The following TSPAN14 variants were observed in gnomAD, a reference collection of about 807,000 sequenced individuals.
TSPAN14 encodes the protein tetraspanin-14.
TSPAN14 carries 16 observed loss-of-function variants against 36.6 expected under a neutral mutation model. That is an observed-to-expected ratio of 0.44 (90% confidence interval 0.30 to 0.66). The LOEUF is 0.66. Among genes scored for constraint, TSPAN14 ranks in the 30% least tolerant of loss-of-function variants. The probability of loss-of-function intolerance (pLI) is 0.12; values close to 1 mark genes in which losing one functional copy is unlikely to be tolerated. For synonymous variants in TSPAN14, 139 were observed against 143.8 expected (o/e 0.97, Z 0.24); for missense variants, 231 against 355.1 (o/e 0.65, Z 2.81).
At chr10:80,506,423 G>A (rs1044858229) in intron 3 of TSPAN14, among the ~76,000 whole-genome samples, 1 of 152,214 alleles carries the variant, frequency 6.6e-6, no homozygotes, top group Non-Finnish European at 1.5e-5. Flanking sequence ...AAAGAACAAT[G>A]AAGGAAGCAG....
At chr10:80,454,736 A>C (rs1458016702) in intron 1 of TSPAN14, among the ~76,000 whole-genome samples, 1 of 152,108 alleles carries the variant, frequency 6.6e-6, no homozygotes, top group African/African-American at 2.4e-5. Context: ...GGGAGCCTGG[A>C]CGGCCGCTGC....
At chr10:80,463,402 G>T (rs4933397) in intron 1 of TSPAN14, among the ~76,000 whole-genome samples, 51,930 of 152,044 alleles carry the variant, frequency 0.34, 10,369 homozygotes, top group East Asian at 0.85. Flanking sequence ...CTTCAGTTCT[G>T]CTCCCCTGAG....
At chr10:80,499,261 T>C (rs1353340881) in intron 2 of TSPAN14, among the ~76,000 whole-genome samples, 2 of 152,140 alleles carry the variant, frequency 1.3e-5, no homozygotes, top group Non-Finnish European at 2.9e-5. Context: ...CTTGCTCGTG[T>C]GGTAAGTGGA....
intron 1 of TSPAN14, among the ~76,000 whole-genome samples, chr10:80,459,150 C>T (rs1248147132): frequency 2.0e-5 from 3 of 151,116 alleles, no homozygotes; most frequent in Non-Finnish European, 3.0e-5. Context: ...CCATCTCTGG[C>T]GGCACTCAGC....
chr10:80,489,604 C>T (rs1034064433), intron 2 of TSPAN14, among the ~76,000 whole-genome samples: 1 of 152,242 alleles, frequency 6.6e-6, no homozygotes, highest in African/African-American at 2.4e-5. Context: ...CCCCCTGTTC[C>T]GATCCTGGGA....
intron 1 of TSPAN14, chr10:80,485,654 C>G (rs1049097939): frequency 2.0e-6 from 2 of 985,276 alleles, no homozygotes; most frequent in Non-Finnish European, 2.4e-6. Flanking sequence ...AGGGTCAGGA[C>G]CTGCTTTCCA....
chr10:80,507,486 C>A, intron 4 of TSPAN14, 112 bp downstream of exon 4: 1 of 1,452,020 alleles, frequency 6.9e-7, no homozygotes, highest in Non-Finnish European at 9.4e-7. Flanking sequence ...GGAGCCTCCC[C>A]TAGGCCCCTG....
intron 1 of TSPAN14, among the ~76,000 whole-genome samples, chr10:80,475,970 T>C (rs892861902): frequency 2.6e-5 from 4 of 152,206 alleles, no homozygotes; most frequent in Non-Finnish European, 4.4e-5. Context: ...CCAAAATCCA[T>C]AGATGCTCAA....
intron 1 of TSPAN14, among the ~76,000 whole-genome samples, chr10:80,460,528 T>G (rs1845917445): frequency 6.6e-6 from 1 of 152,214 alleles, no homozygotes. Context: ...CTGTCCATTC[T>G]TCTTGCACTG....
chr10:80,506,700 G>A (rs1217015828), intron 3 of TSPAN14, among the ~76,000 whole-genome samples: 1 of 152,220 alleles, frequency 6.6e-6, no homozygotes, highest in Non-Finnish European at 1.5e-5. Flanking sequence ...CGATACCTGT[G>A]GCCAGACAGT....
intron 1 of TSPAN14, among the ~76,000 whole-genome samples, chr10:80,479,650 A>G (rs1017654906): frequency 6.6e-6 from 1 of 152,134 alleles, no homozygotes; most frequent in East Asian, 1.9e-4. Flanking sequence ...CCATTGGTCT[A>G]TATCTCTGTT....
At chr10:80,488,258 G>C (rs764378241) in intron 1 of TSPAN14, among the ~76,000 whole-genome samples, 1 of 152,206 alleles carries the variant, frequency 6.6e-6, no homozygotes, top group African/African-American at 2.4e-5. Flanking sequence ...GCAGGGGACC[G>C]TGGAGGACTT....
intron 1 of TSPAN14, among the ~76,000 whole-genome samples, chr10:80,456,742 C>T (rs995486735): frequency 6.6e-6 from 1 of 152,228 alleles, no homozygotes; most frequent in Non-Finnish European, 1.5e-5. Context: ...AGAAGTTTGA[C>T]TTGTAATAAC....
At chr10:80,462,081 T>C (rs1846002739) in intron 1 of TSPAN14, among the ~76,000 whole-genome samples, 1 of 151,502 alleles carries the variant, frequency 6.6e-6, no homozygotes, top group South Asian at 2.1e-4. Context: ...ACCCAGCTAA[T>C]TTAAAGAATT....
intron 1 of TSPAN14, among the ~76,000 whole-genome samples, chr10:80,485,866 C>T (rs1847564203): frequency 6.6e-6 from 1 of 152,238 alleles, no homozygotes; most frequent in South Asian, 2.1e-4. Flanking sequence ...AGCCCCACCC[C>T]TAGACCTCAT....
rs903873924 is a variant in TSPAN14 at position 80,465,195 on chromosome 10, C to T, written c.-18+10824C>T. Among the ~76,000 whole-genome samples, 3 of 152,120 alleles carry T rather than the reference C, an allele frequency of 2.0e-5. No homozygotes were observed. The East Asian group carries it at 5.8e-4, about 29-fold the overall frequency. On this transcript the variant is annotated intron_variant, in intron 1 of 8. Transcript: ENST00000429989. The stretch of plus-strand genomic sequence containing the variant: ...TGAGTTCTGCCGAGTCTTCCCGGCC[C>T]AGCTGTGCCCTTGGGTGGGGGCCAG...
At chr10:80,484,280 T>A (rs1249799335) in intron 1 of TSPAN14, among the ~76,000 whole-genome samples, 1 of 152,086 alleles carries the variant, frequency 6.6e-6, no homozygotes, top group Non-Finnish European at 1.5e-5. Flanking sequence ...CTGGGTTGTC[T>A]TTAAGTTTTA....
chr10:80,471,138 A>C (rs113006731), intron 1 of TSPAN14, among the ~76,000 whole-genome samples: 2 of 151,502 alleles, frequency 1.3e-5, no homozygotes, highest in African/African-American at 4.8e-5. Context: ...TCATGTTCTG[A>C]GTTCCCTGAG....
At chr10:80,501,181 A>G (rs778028774) in intron 2 of TSPAN14, among the ~76,000 whole-genome samples, 77 of 150,486 alleles carry the variant, frequency 5.1e-4, no homozygotes, top group Non-Finnish European at 9.6e-4. Flanking sequence ...CAGTGGTGCA[A>G]TCTCACCCTT....
Sources: gnomAD v4.1 joint callset for allele counts (sites outside exome capture counted in the v4.1 genomes callset) on GRCh38, gnomAD v4.1.1 for gene constraint, MANE v1.5 for transcripts, NCBI Gene and HGNC (gene_info 2026-07-23, HGNC 2026-07-21) for gene names.